Variants in TVP23A observed in about 807,000 individuals in gnomAD.
The protein encoded by TVP23A is trans-golgi network vesicle protein 23 homolog A.
In TVP23A, 21 loss-of-function variants were observed where a neutral mutation model predicts 31.7. That is an observed-to-expected ratio of 0.66 (90% CI 0.47 to 0.95). The LOEUF (loss-of-function observed/expected upper bound fraction) is 0.95. TVP23A is among the 40% of genes least tolerant of loss of function. The pLI, the probability that TVP23A is intolerant of heterozygous loss-of-function variation, is 0.00. For missense variants in TVP23A, 279 were observed against 255.6 expected, an observed-to-expected ratio of 1.09 and a Z score of -0.62; for synonymous variants, 104 against 96.0, an observed-to-expected ratio of 1.08 and a Z score of -0.49.
intron 2 of TVP23A, among the ~76,000 whole-genome samples, chr16:10,802,101 TACACACACACACACACACACATACAC>T (rs2033721380): frequency 1.4e-5 from 2 of 147,986 alleles, no homozygotes; most frequent in Admixed American, 6.7e-5. Context: ...CAAATACACA[TACACACACACACACACACACATACAC>T]ACACACACAA....
intron 2 of TVP23A, among the ~76,000 whole-genome samples, chr16:10,780,081 C>T (rs1304636783): frequency 6.8e-6 from 1 of 147,548 alleles, no homozygotes; most frequent in Non-Finnish European, 1.5e-5. Context: ...GAGTGAGACT[C>T]CATCTCAAAA....
intron 2 of TVP23A, among the ~76,000 whole-genome samples, chr16:10,806,826 A>G (rs2033968217): frequency 6.6e-6 from 1 of 152,208 alleles, no homozygotes; most frequent in Non-Finnish European, 1.5e-5. Flanking sequence ...TTGTGGACAC[A>G]GCTTATGCAA....
At chr16:10,801,946 G>A (rs914115592) in intron 2 of TVP23A, among the ~76,000 whole-genome samples, 3 of 152,208 alleles carry the variant, frequency 2.0e-5, no homozygotes, top group Admixed American at 6.5e-5. Context: ...CAAGGCAGGA[G>A]GATTGCTTGA....
At chr16:10,807,055 A>C (rs1437601867) in intron 2 of TVP23A, among the ~76,000 whole-genome samples, 2 of 152,140 alleles carry the variant, frequency 1.3e-5, no homozygotes, top group African/African-American at 4.8e-5. Context: ...ATATTTCTAT[A>C]ATTTCAAAAT....
rs118157014 is a variant in TVP23A, at chr16:10,799,491, G to A, written c.89+18612C>T. Among the ~76,000 whole-genome samples the A allele has an allele frequency of 1.2e-4, 19 of 152,232 alleles. No individual in the cohort carries two copies. In the East Asian group the frequency reaches 2.5e-3, roughly 20 times the overall value. On this transcript the variant is annotated intron_variant, in intron 2 of 7. Coordinates refer to ENST00000299866, the MANE Select transcript of TVP23A (RefSeq NM_001079512.4). ...TCGGATTACAGGTGCCTACTACCACGCCTGACTAATTTTTGTAGTTTTAGT... is the reference window on the plus strand; with the variant it reads ...TCGGATTACAGGTGCCTACTACCACACCTGACTAATTTTTGTAGTTTTAGT...
downstream of TVP23A, chr16:10,763,530 A>T (rs576756695): frequency 6.6e-6 from 1 of 152,380 alleles, no homozygotes; most frequent in Admixed American, 6.5e-5. Context: ...TGCTTTCTCA[A>T]CCTTCCCCAG....
intron 2 of TVP23A, among the ~76,000 whole-genome samples, chr16:10,797,789 G>A (rs1266930286): frequency 6.6e-6 from 1 of 151,904 alleles, no homozygotes; most frequent in African/African-American, 2.4e-5. Context: ...TGATCTCTGT[G>A]GTTTGCTTCA....
chr16:10,785,732 C>T (rs758603321), intron 2 of TVP23A, among the ~76,000 whole-genome samples: 25 of 152,126 alleles, frequency 1.6e-4, no homozygotes, highest in Non-Finnish European at 2.9e-4. Flanking sequence ...TCTGGAAAGG[C>T]GGAACACCTT....
At chr16:10,789,093 G>A (rs1021351695) in intron 2 of TVP23A, among the ~76,000 whole-genome samples, 1 of 152,182 alleles carries the variant, frequency 6.6e-6, no homozygotes, top group Non-Finnish European at 1.5e-5. Context: ...CTCCCAAAGT[G>A]CTGGGATTAC....
intron 2 of TVP23A, among the ~76,000 whole-genome samples, chr16:10,810,774 C>T (rs934148099): frequency 1.3e-5 from 2 of 152,100 alleles, no homozygotes; most frequent in East Asian, 3.9e-4. Context: ...ACGTCGGCCC[C>T]TCTGTTCTGG....
intron 4 of TVP23A, among the ~76,000 whole-genome samples, chr16:10,773,675 A>G (rs1596497323): frequency 6.6e-6 from 1 of 151,994 alleles, no homozygotes; most frequent in Admixed American, 6.6e-5. Flanking sequence ...GGTTCAAGTG[A>G]TTCTCCTGCC....
At chr16:10,796,706 G>A (rs542872378) in intron 2 of TVP23A, among the ~76,000 whole-genome samples, 1 of 152,212 alleles carries the variant, frequency 6.6e-6, no homozygotes, top group African/African-American at 2.4e-5. Context: ...CCAAAGTGCT[G>A]GGATTACAGG....
rs532334252 is a variant in TVP23A at position 10,777,506 on chromosome 16, G to A, written c.90-2410C>T. Reference sequence around the variant, plus strand: ...TTCTCCCCAAGAAGAAACGGAGTCCGAGTCAACAAACCACAGGTGCCTCTA... The same window carrying A: ...TTCTCCCCAAGAAGAAACGGAGTCCAAGTCAACAAACCACAGGTGCCTCTA... On this transcript the variant is annotated intron_variant, in intron 2 of 7. Coordinates refer to ENST00000299866, the MANE Select transcript of TVP23A (RefSeq NM_001079512.4). This position sits in a 1 kb window ranked among gnomAD's most constrained non-coding sequence, Gnocchi z 4.5. 1.5e-4 allele frequency among the ~76,000 whole-genome samples: 23 copies of A among 152,206 alleles called. No individual in the cohort carries two copies. The highest frequency in any genetic ancestry group is 4.2e-4 in the South Asian group (2 of 4,818).
At chr16:10,785,664 T>C (rs547424670) in intron 2 of TVP23A, among the ~76,000 whole-genome samples, 1 of 152,326 alleles carries the variant, frequency 6.6e-6, no homozygotes, top group African/African-American at 2.4e-5. Context: ...CTTGGTTTTG[T>C]ACATTTCAGG....
At chr16:10,774,606 C>CTTTTA (rs2031868046) in intron 3 of TVP23A, among the ~76,000 whole-genome samples, 1 of 130,248 alleles carries the variant, frequency 7.7e-6, no homozygotes, top group Non-Finnish European at 1.6e-5. Context: ...CATTCTCTCT[C>CTTTTA]TTTTTTTTTT....
intron 2 of TVP23A, among the ~76,000 whole-genome samples, chr16:10,797,201 A>G (rs1004107286): frequency 2.0e-5 from 3 of 151,530 alleles, no homozygotes; most frequent in Non-Finnish European, 4.4e-5. Flanking sequence ...AAAAAAAAAG[A>G]TTGAAAGTTC....
At chr16:10,770,868 C>CAAAAAAAAA (rs376701429) in intron 6 of TVP23A, among the ~76,000 whole-genome samples, 3,373 of 66,268 alleles carry the variant, frequency 0.051, 170 homozygotes, top group Non-Finnish European at 0.069. Context: ...ACTCCCATCT[C>CAAAAAAAAA]AAAAAAAAAA....
At chr16:10,801,574 A>G (rs1596556539) in intron 2 of TVP23A, among the ~76,000 whole-genome samples, 4 of 152,150 alleles carry the variant, frequency 2.6e-5, no homozygotes, top group Admixed American at 1.3e-4. Context: ...CTCATCCCTC[A>G]GCCTCCTGAG....
rs138071537 is a variant in TVP23A, at chr16:10,804,415, C to A, written c.89+13688G>T. Among the ~76,000 whole-genome samples, 869 of 152,306 alleles carry A rather than the reference C, an allele frequency of 5.7e-3. 3 individuals are homozygous for A. The highest frequency in any genetic ancestry group is 6.4e-3 in the Non-Finnish European group (433 of 68,022). ...AAGCTCACCCACAGGCAACTCCTGG[C>A]AACTCCAGACCATTCTTCTGGCTCT... On this transcript the variant is annotated intron_variant, in intron 2 of 7. Coordinates refer to ENST00000299866, the MANE Select transcript of TVP23A (RefSeq NM_001079512.4).
Sources: allele counts gnomAD v4.1 joint callset (sites outside exome capture counted in the v4.1 genomes callset), GRCh38; gene constraint gnomAD v4.1.1; non-coding constraint Gnocchi (gnomAD v3.1); transcripts MANE v1.5; gene names NCBI Gene and HGNC (gene_info 2026-07-23, HGNC 2026-07-21).